The following CFDP1 variants were observed in gnomAD, a reference collection of about 807,000 sequenced individuals.
The protein encoded by CFDP1 is chromatin remodeling protein CFDP1.
Under a neutral mutation model 40.1 loss-of-function variants are expected in CFDP1, and 31 were observed. The ratio of observed to expected loss-of-function variants is 0.77; its 90% CI spans 0.58 to 1.04. The LOEUF (loss-of-function observed/expected upper bound fraction) is 1.04, where lower values mean the gene tolerates loss of function less well. CFDP1 is among the 50% of genes least tolerant of loss of function. The pLI, the probability that CFDP1 is intolerant of heterozygous loss-of-function variation, is 0.00. For missense variants in CFDP1, 423 were observed against 343.4 expected (o/e 1.23, Z -1.83); for synonymous variants, 167 against 120.0 (o/e 1.39, Z -2.56).
chr16:75,422,228 C>T (rs755677521), intron 1 of CFDP1, among the ~76,000 whole-genome samples: 8 of 152,042 alleles, frequency 5.3e-5, no homozygotes, highest in Non-Finnish European at 1.2e-4. Context: ...TCCCAAGTAG[C>T]TGGGATTACA....
chr16:75,324,906 A>G (rs538527896), intron 5 of CFDP1: 1 of 152,278 alleles, frequency 6.6e-6, no homozygotes, highest in Admixed American at 6.5e-5. Context: ...AGAAATTTCA[A>G]GCCAAGAAAC....
At chr16:75,384,884 ATATATATATATATAT>A (rs2078881217) in intron 5 of CFDP1, among the ~76,000 whole-genome samples, 1 of 31,686 alleles carries the variant, frequency 3.2e-5, no homozygotes, top group African/African-American at 6.6e-5. Flanking sequence ...ATATATATAT[ATATATATATATATAT>A]TGCAGACCAG....
At chr16:75,300,044 CG>C (rs1304716725) in intron 6 of CFDP1, among the ~76,000 whole-genome samples, 3 of 151,906 alleles carry the variant, frequency 2.0e-5, no homozygotes, top group Admixed American at 2.0e-4. Context: ...AAGGGTTACC[CG>C]GGGGTGTTCC....
At chr16:75,362,454 A>G (rs1464095979) in intron 5 of CFDP1, among the ~76,000 whole-genome samples, 1 of 152,228 alleles carries the variant, frequency 6.6e-6, no homozygotes, top group African/African-American at 2.4e-5. Flanking sequence ...GACAGTCTCA[A>G]CTTTTAATTT....
chr16:75,381,676 A>C (rs1437564864), intron 5 of CFDP1, among the ~76,000 whole-genome samples: 2 of 152,194 alleles, frequency 1.3e-5, no homozygotes, highest in Non-Finnish European at 2.9e-5. Flanking sequence ...TGGTTTCTTC[A>C]CTTCTGTAAT....
intron 2 of CFDP1, 149 bp downstream of exon 2, chr16:75,414,429 T>C (rs1300122229): frequency 4.7e-6 from 3 of 640,722 alleles, no homozygotes; most frequent in African/African-American, 1.8e-5. Context: ...GACCAAGAAG[T>C]TAATCCTAAA....
At chr16:75,332,865 T>C (rs1206209387) in intron 5 of CFDP1, among the ~76,000 whole-genome samples, 1 of 149,404 alleles carries the variant, frequency 6.7e-6, no homozygotes. Flanking sequence ...TGGAGTACAG[T>C]GGCGCGATCC....
intron 5 of CFDP1, among the ~76,000 whole-genome samples, chr16:75,359,431 A>G (rs1430537545): frequency 6.6e-6 from 1 of 152,240 alleles, no homozygotes; most frequent in African/African-American, 2.4e-5. Flanking sequence ...AAAGCTCTGC[A>G]GAGGCTAATA....
intron 1 of CFDP1, among the ~76,000 whole-genome samples, chr16:75,428,064 G>A (rs1013682498): frequency 5.3e-5 from 8 of 151,946 alleles, no homozygotes; most frequent in South Asian, 2.1e-4. Context: ...CAGACCAGAG[G>A]TTGCTAATGG....
intron 5 of CFDP1, among the ~76,000 whole-genome samples, chr16:75,340,333 T>C (rs1250785724): frequency 6.6e-6 from 1 of 152,244 alleles, no homozygotes; most frequent in Non-Finnish European, 1.5e-5. Context: ...TACTCAAATA[T>C]AACCCAATTT....
chr16:75,385,911 A>G lies in CFDP1; in HGVS notation c.650+9179T>C, dbSNP rs544038547. Among the ~76,000 whole-genome samples the G allele has an allele frequency of 2.6e-5, 4 of 152,304 alleles. No homozygotes were observed. In the South Asian group the frequency reaches 8.3e-4, roughly 32 times the overall value. On this transcript the variant is annotated intron_variant, in intron 5 of 6. Coordinates refer to ENST00000283882, the MANE Select transcript of CFDP1 (RefSeq NM_006324.3). ...ACTAAGTAAACTGTATGACTACCAT[A>G]ACTTCACATACCTATTCCATTCTTC...
At chr16:75,395,292 A>T (rs1466381480) in intron 4 of CFDP1, 83 bp from the exon 5 acceptor site, 3 of 1,409,526 alleles carry the variant, frequency 2.1e-6, no homozygotes, top group Non-Finnish European at 2.9e-6. Flanking sequence ...AGACAACTAG[A>T]AAAAGATCCA....
intron 5 of CFDP1, among the ~76,000 whole-genome samples, chr16:75,323,734 G>A (rs2078382877): frequency 6.6e-6 from 1 of 150,712 alleles, no homozygotes; most frequent in Admixed American, 6.6e-5. Flanking sequence ...AGCCGAGATC[G>A]TGCCATTGCA....
chr16:75,309,151 G>A (rs1049120301), intron 5 of CFDP1, among the ~76,000 whole-genome samples: 2 of 152,182 alleles, frequency 1.3e-5, no homozygotes, highest in Non-Finnish European at 2.9e-5. Flanking sequence ...GAACCTGTTT[G>A]TGGGCTCCCT....
chr16:75,433,247 G>C (rs1294913358), intron 1 of CFDP1, 42 bp downstream of exon 1: 3 of 1,546,192 alleles, frequency 1.9e-6, no homozygotes, highest in Non-Finnish European at 2.6e-6. Flanking sequence ...GTGAGGCGTG[G>C]GGCGGGGCAA....
intron 5 of CFDP1, among the ~76,000 whole-genome samples, chr16:75,380,685 T>A (rs1387098126): frequency 1.3e-5 from 2 of 152,150 alleles, no homozygotes; most frequent in Non-Finnish European, 2.9e-5. Flanking sequence ...GCAACCCACA[T>A]AGATTTGGGC....
chr16:75,401,316 T>C (rs975171870), intron 4 of CFDP1, among the ~76,000 whole-genome samples: 3 of 151,068 alleles, frequency 2.0e-5, no homozygotes, highest in Non-Finnish European at 4.4e-5. Context: ...TAGTCCCTGC[T>C]ACTCGGGAGG....
rs2078164766 is a variant in CFDP1, at chr16:75,294,061, G to C, written c.810-19C>G. ...AATGTACCTAGAAGATGAAAACAGT[G>C]TTTGTCAGTAGAATCCAGTAGGAAA... On this transcript the variant is annotated intron_variant, in intron 6 of 6. Coordinates refer to ENST00000283882, the MANE Select transcript of CFDP1 (RefSeq NM_006324.3). 2.5e-6 allele frequency: 4 copies of C among 1,590,644 alleles called. No homozygotes were observed. In the South Asian group the frequency reaches 3.3e-5, roughly 13 times the overall value.
At chr16:75,320,227 A>T (rs2078352696) in intron 5 of CFDP1, among the ~76,000 whole-genome samples, 1 of 152,180 alleles carries the variant, frequency 6.6e-6, no homozygotes, top group Non-Finnish European at 1.5e-5. Context: ...TGAACCCTTA[A>T]ACAAGTCCAG....
Sources: allele counts gnomAD v4.1 joint callset (sites outside exome capture counted in the v4.1 genomes callset), GRCh38; gene constraint gnomAD v4.1.1; transcripts MANE v1.5; gene names NCBI Gene and HGNC (gene_info 2026-07-23, HGNC 2026-07-21).